The following CTNNA3 variants were observed in gnomAD, a reference collection of about 807,000 sequenced individuals.
CTNNA3 encodes catenin alpha-3.
In CTNNA3, 76 loss-of-function variants were observed where a neutral mutation model predicts 95.7. The ratio of observed to expected loss-of-function variants is 0.79; its 90% confidence interval spans 0.66 to 0.96. The LOEUF (loss-of-function observed/expected upper bound fraction) is 0.96, where lower values mean the gene tolerates loss of function less well. CTNNA3 is among the 40% of genes least tolerant of loss of function. The pLI is 0.00. For synonymous variants in CTNNA3, 431 were observed against 374.4 expected (o/e 1.15, Z -1.74); for missense variants, 1,191 against 1,089.8 (o/e 1.09, Z -1.31).
intron 15 of CTNNA3, among the ~76,000 whole-genome samples, chr10:65,993,531 T>G (rs192204137): frequency 1.2e-3 from 183 of 152,368 alleles, no homozygotes; most frequent in Non-Finnish European, 2.0e-3. Context: ...GTTTTTGACT[T>G]AAAAATGTTT....
At chr10:65,930,220 A>AAC (rs2077230886) in intron 17 of CTNNA3, among the ~76,000 whole-genome samples, 1 of 149,194 alleles carries the variant, frequency 6.7e-6, no homozygotes, top group African/African-American at 2.4e-5. Context: ...AAAAAAAAAA[A>AAC]AAAAAACAGA....
intron 11 of CTNNA3, among the ~76,000 whole-genome samples, chr10:66,488,350 G>C (rs769452142): frequency 1.1e-4 from 16 of 152,154 alleles, no homozygotes; most frequent in Non-Finnish European, 1.8e-4. Flanking sequence ...CTATCTTTGC[G>C]ATAGTCTAAC....
At chr10:66,553,844 T>C (rs1842306203) in intron 10 of CTNNA3, among the ~76,000 whole-genome samples, 1 of 152,084 alleles carries the variant, frequency 6.6e-6, no homozygotes, top group African/African-American at 2.4e-5. Flanking sequence ...ATAATACTTT[T>C]ACTCTCCTTT....
intron 13 of CTNNA3, among the ~76,000 whole-genome samples, chr10:66,232,932 C>T (rs10822764): frequency 0.36 from 54,833 of 151,522 alleles, 10,143 homozygotes; most frequent in East Asian, 0.43. Flanking sequence ...CCGAGGCGGG[C>T]GGCTCACGAG....
chr10:66,213,905 A>G (rs1458102389), intron 13 of CTNNA3, among the ~76,000 whole-genome samples: 2 of 152,210 alleles, frequency 1.3e-5, no homozygotes, highest in African/African-American at 4.8e-5. Context: ...GAAGTGCTTC[A>G]AGAAAGTGGA....
intron 7 of CTNNA3, among the ~76,000 whole-genome samples, chr10:67,023,174 A>T (rs1285167189): frequency 6.6e-6 from 1 of 152,182 alleles, no homozygotes; most frequent in East Asian, 1.9e-4. Context: ...ACAAAGAACC[A>T]GAACAGTCAA....
chr10:67,577,493 G>A (rs1037427287), intron 3 of CTNNA3, among the ~76,000 whole-genome samples: 4 of 151,990 alleles, frequency 2.6e-5, no homozygotes, highest in Admixed American at 2.6e-4. Flanking sequence ...TCACTCTGAT[G>A]GTAGTTTCTT....
At chr10:67,139,570 A>T (rs1302619195) in intron 7 of CTNNA3, among the ~76,000 whole-genome samples, 3 of 150,844 alleles carry the variant, frequency 2.0e-5, no homozygotes, top group Non-Finnish European at 4.4e-5. Context: ...CCACCACCAC[A>T]CCCAGCTAAT....
chr10:66,524,396 A>G (rs555194485), intron 10 of CTNNA3, among the ~76,000 whole-genome samples: 2 of 152,240 alleles, frequency 1.3e-5, no homozygotes, highest in South Asian at 4.2e-4. Context: ...CTCGCAGCCC[A>G]CACTGAGAGG....
At chr10:66,689,165 C>T (rs1315472628) in intron 9 of CTNNA3, among the ~76,000 whole-genome samples, 1 of 151,990 alleles carries the variant, frequency 6.6e-6, no homozygotes, top group African/African-American at 2.4e-5. Flanking sequence ...GAACTTGGGG[C>T]AAGCCTGAGA....
intron 6 of CTNNA3, among the ~76,000 whole-genome samples, chr10:67,209,044 T>TTTG (rs149802447): frequency 3.0e-4 from 45 of 151,546 alleles, no homozygotes; most frequent in Non-Finnish European, 4.4e-4. Context: ...ATTGTTATTT[T>TTTG]TTGTTGTTGT....
At chr10:66,380,139 A>G (rs2092825659) in intron 11 of CTNNA3, among the ~76,000 whole-genome samples, 1 of 152,108 alleles carries the variant, frequency 6.6e-6, no homozygotes, top group Non-Finnish European at 1.5e-5. Flanking sequence ...ATTCCAGAAC[A>G]TATCATTAAT....
At chr10:66,578,810 T>C (rs1284192851) in intron 10 of CTNNA3, among the ~76,000 whole-genome samples, 1 of 151,442 alleles carries the variant, frequency 6.6e-6, no homozygotes, top group Non-Finnish European at 1.5e-5. Context: ...TTGTTGTTGT[T>C]GTTGTGTCTC....
chr10:67,320,250 G>A (rs1175182597), intron 5 of CTNNA3, among the ~76,000 whole-genome samples: 3 of 151,936 alleles, frequency 2.0e-5, no homozygotes, highest in Non-Finnish European at 4.4e-5. Context: ...TGAAAAACAT[G>A]GAAAGTTAAA....
intron 13 of CTNNA3, among the ~76,000 whole-genome samples, chr10:66,273,935 C>T (rs1051133731): frequency 2.0e-5 from 3 of 151,220 alleles, no homozygotes; most frequent in East Asian, 1.9e-4. Flanking sequence ...TCTAGGTGGT[C>T]GTGTAGCTCC....
At chr10:67,208,738 G>C (rs945300332) in intron 6 of CTNNA3, among the ~76,000 whole-genome samples, 1 of 152,046 alleles carries the variant, frequency 6.6e-6, no homozygotes, top group Non-Finnish European at 1.5e-5. Flanking sequence ...GAGGTGAAGT[G>C]AAAAGAGACA....
chr10:66,903,081 G>T (rs1845826244), intron 7 of CTNNA3, among the ~76,000 whole-genome samples: 2 of 151,942 alleles, frequency 1.3e-5, no homozygotes, highest in Non-Finnish European at 2.9e-5. Flanking sequence ...CAAAAAAAGA[G>T]AATTTTAGAC....
intron 5 of CTNNA3, among the ~76,000 whole-genome samples, chr10:67,387,312 A>G (rs1263218611): frequency 6.6e-6 from 1 of 152,048 alleles, no homozygotes; most frequent in African/African-American, 2.4e-5. Flanking sequence ...GCACCTGAAA[A>G]ATCGGGTCAC....
chr10:66,059,007 A>G (rs10996868), intron 15 of CTNNA3, among the ~76,000 whole-genome samples: 35,575 of 152,090 alleles, frequency 0.23, 4,196 homozygotes, highest in Admixed American at 0.26. Context: ...CACCTGAATA[A>G]CCTTGTGATT....
Sources: gnomAD v4.1 joint callset for allele counts (sites outside exome capture counted in the v4.1 genomes callset) on GRCh38, gnomAD v4.1.1 for gene constraint, MANE v1.5 for transcripts, NCBI Gene and HGNC (gene_info 2026-07-23, HGNC 2026-07-21) for gene names.